CDK14: variants seen among roughly 807,000 people sequenced by gnomAD.
CDK14 encodes cyclin-dependent kinase 14.
A neutral mutation model predicts 60.7 loss-of-function variants in CDK14; 34 were observed. The observed-to-expected ratio is 0.56, with a 90% confidence interval of 0.43 to 0.75. The LOEUF is 0.75. CDK14 is among the 30% of genes least tolerant of loss of function. CDK14 has a pLI of 0.00. For synonymous variants in CDK14, 197 were observed against 203.7 expected (o/e 0.97, Z 0.28); for missense variants, 482 against 564.1 (o/e 0.85, Z 1.47).
intron 14 of CDK14, among the ~76,000 whole-genome samples, chr7:91,124,046 C>T (rs1242944282): frequency 2.0e-5 from 3 of 152,022 alleles, no homozygotes; most frequent in Non-Finnish European, 4.4e-5. Flanking sequence ...ACCACCACAC[C>T]TGGATCATTT....
At chr7:90,620,299 ATTTTTC>A (rs966305927) in intron 2 of CDK14, among the ~76,000 whole-genome samples, 4 of 152,126 alleles carry the variant, frequency 2.6e-5, no homozygotes, top group African/African-American at 9.7e-5. Context: ...TGGGCTGGGT[ATTTTTC>A]TTTGAGATTT....
intron 10 of CDK14, among the ~76,000 whole-genome samples, chr7:91,022,139 A>G (rs908959375): frequency 1.1e-4 from 17 of 152,170 alleles, no homozygotes; most frequent in Non-Finnish European, 1.8e-4. Flanking sequence ...AAAGTGCCAG[A>G]GGCTGAGGGA....
rs767662613 is a variant in CDK14 at position 90,964,210 on chromosome 7, T to G, written c.947+8393T>G. ...TGTTTTTTGCAGCCTTTTGTGATAG[T>G]TTTCATATATGAGAACCCTTCCTTC... is the stretch of plus-strand genomic sequence containing the variant. On this transcript the variant is annotated intron_variant, in intron 9 of 14. Coordinates refer to ENST00000380050, the MANE Select transcript of CDK14 (RefSeq NM_001287135.2). Among the ~76,000 whole-genome samples, 76 of 152,240 alleles carry G rather than the reference T, an allele frequency of 5.0e-4. No homozygotes were observed. In the Middle Eastern group the frequency reaches 0.014, roughly 27 times the overall value.
chr7:91,099,057 C>G (rs145610892), intron 12 of CDK14, among the ~76,000 whole-genome samples: 1 of 152,156 alleles, frequency 6.6e-6, no homozygotes, highest in African/African-American at 2.4e-5. Flanking sequence ...CTTTCAAGAG[C>G]TATTTTTAGT....
intron 6 of CDK14, among the ~76,000 whole-genome samples, chr7:90,878,426 T>C (rs1584077855): frequency 6.6e-6 from 1 of 152,298 alleles, no homozygotes; most frequent in East Asian, 1.9e-4. Flanking sequence ...CACAGATTTA[T>C]TTGTCAGCAT....
chr7:90,674,758 C>T (rs1397638745), intron 2 of CDK14, among the ~76,000 whole-genome samples: 2 of 152,104 alleles, frequency 1.3e-5, no homozygotes, highest in Non-Finnish European at 2.9e-5. Context: ...CCTTGCCTCC[C>T]CCTGCAAACT....
chr7:91,041,073 C>T (rs1166245867), intron 10 of CDK14, among the ~76,000 whole-genome samples: 4 of 152,130 alleles, frequency 2.6e-5, no homozygotes, highest in East Asian at 3.9e-4. Context: ...GCCACACCTG[C>T]CAGGGCAGAG....
At chr7:90,731,110 A>G (rs1299431528) in intron 3 of CDK14, among the ~76,000 whole-genome samples, 1 of 150,906 alleles carries the variant, frequency 6.6e-6, no homozygotes, top group Non-Finnish European at 1.5e-5. Flanking sequence ...TAAATAGGGA[A>G]CCCTTTTCCT....
chr7:90,991,918 G>T (rs977615368), intron 10 of CDK14, among the ~76,000 whole-genome samples: 3 of 152,166 alleles, frequency 2.0e-5, no homozygotes, highest in African/African-American at 7.2e-5. Context: ...TGAAAGAAAG[G>T]TTGAAAAACC....
At chr7:90,958,524 G>C (rs899732801) in intron 9 of CDK14, among the ~76,000 whole-genome samples, 1 of 152,024 alleles carries the variant, frequency 6.6e-6, no homozygotes. Context: ...GGCTTTTTTG[G>C]GGGGATGGTT....
chr7:90,664,555 A>T (rs1010932491), intron 2 of CDK14, among the ~76,000 whole-genome samples: 6 of 152,194 alleles, frequency 3.9e-5, no homozygotes, highest in Non-Finnish European at 8.8e-5. Context: ...TCCAACAATG[A>T]TAGACTGGAT....
intron 8 of CDK14, among the ~76,000 whole-genome samples, chr7:90,923,764 A>T (rs1208925388): frequency 6.6e-6 from 1 of 152,230 alleles, no homozygotes; most frequent in African/African-American, 2.4e-5. Context: ...CAAAAACATC[A>T]TGTGTTTCTT....
intron 4 of CDK14, among the ~76,000 whole-genome samples, chr7:90,773,839 C>T (rs1264963929): frequency 7.1e-6 from 1 of 141,744 alleles, no homozygotes; most frequent in Admixed American, 7.2e-5. Context: ...TAGGTCTTCT[C>T]TTCCCTCCTC....
At chr7:91,153,281 A>G (rs578213245) in intron 14 of CDK14, among the ~76,000 whole-genome samples, 2 of 152,318 alleles carry the variant, frequency 1.3e-5, no homozygotes, top group East Asian at 3.9e-4. Context: ...ATGCTTGTAC[A>G]GTGTTGGTGT....
intron 8 of CDK14, among the ~76,000 whole-genome samples, chr7:90,947,130 C>T (rs938354456): frequency 2.0e-5 from 3 of 152,228 alleles, no homozygotes; most frequent in Admixed American, 6.5e-5. Flanking sequence ...CTCTAGACAG[C>T]GTCAGTCATT....
intron 11 of CDK14, among the ~76,000 whole-genome samples, chr7:91,061,833 G>A (rs2116123556): frequency 6.6e-6 from 1 of 152,336 alleles, no homozygotes; most frequent in South Asian, 2.1e-4. Flanking sequence ...TCCCAGTTAG[G>A]CTACTTGGGG....
chr7:91,091,432 T>A (rs1347972836), intron 12 of CDK14, among the ~76,000 whole-genome samples: 1 of 142,586 alleles, frequency 7.0e-6, no homozygotes, highest in African/African-American at 2.6e-5. Context: ...ACATATATAA[T>A]TTATATACAC....
intron 5 of CDK14, among the ~76,000 whole-genome samples, chr7:90,812,944 C>T (rs890016034): frequency 1.3e-5 from 2 of 152,140 alleles, no homozygotes; most frequent in African/African-American, 4.8e-5. Flanking sequence ...TGAAAACATA[C>T]TTCCACATGA....
At chr7:91,027,786 C>G (rs1249837096) in intron 10 of CDK14, among the ~76,000 whole-genome samples, 2 of 7,500 alleles carry the variant, frequency 2.7e-4, no homozygotes, top group African/African-American at 7.3e-4. Flanking sequence ...CCTCCCCTCC[C>G]CTCCCCTCCC....
Sources: gnomAD v4.1 joint callset for allele counts (sites outside exome capture counted in the v4.1 genomes callset) on GRCh38, gnomAD v4.1.1 for gene constraint, MANE v1.5 for transcripts, NCBI Gene and HGNC (gene_info 2026-07-23, HGNC 2026-07-21) for gene names.